The following UBA6 variants were observed in gnomAD, a reference collection of about 807,000 sequenced individuals.
The protein encoded by UBA6 is ubiquitin like modifier activating enzyme 6, also known as ubiquitin-like modifier-activating enzyme 6.
In UBA6, 87 loss-of-function variants were observed where a neutral mutation model predicts 148.3. That is an observed-to-expected ratio of 0.59 (90% confidence interval 0.49 to 0.70). The LOEUF is 0.70. Among genes scored for constraint, UBA6 ranks in the 30% least tolerant of loss-of-function variants. UBA6 has a pLI of 0.00. For missense variants in UBA6, 1,186 were observed against 1,241.2 expected (o/e 0.96, Z 0.67); for synonymous variants, 376 against 401.0 (o/e 0.94, Z 0.75).
intron 16 of UBA6, among the ~76,000 whole-genome samples, chr4:67,645,416 T>C (rs1418602708): frequency 6.6e-6 from 1 of 152,046 alleles, no homozygotes; most frequent in Non-Finnish European, 1.5e-5. Context: ...CTAGCCAATA[T>C]GGTGAAACTC....
rs552205332 is a variant in UBA6 at position 67,616,319 on chromosome 4, T to TC, written c.*2677dup. 40 of 380,526 alleles carry TC rather than the reference T, an allele frequency of 1.1e-4. 1 individual carries two copies. In the East Asian group the frequency reaches 1.2e-3, roughly 12 times the overall value. The allele number at this position is 380,526 out of a possible 1,614,324, so 23.6% of individuals were successfully genotyped here. A position where few individuals can be genotyped will look rare whatever the true frequency, so the allele number is the denominator to read the frequency against. The stretch of plus-strand genomic sequence containing the variant: ...GATTTAGGTCACGAGATTTTTTTTT[T>TC]CCCTAAAAATTTCAAAAGAACAATT... On this transcript the variant is annotated 3_prime_UTR_variant, in exon 33 of 33. Coordinates refer to ENST00000322244, the MANE Select transcript of UBA6 (RefSeq NM_018227.6).
At position 67,616,738 on chromosome 4, in the gene UBA6, C is replaced by T. The variant is rs2109888435; in HGVS notation, c.*2259G>A. 6.6e-6 allele frequency: 1 copy of T among 152,232 alleles called. No homozygotes were observed. The highest frequency in any genetic ancestry group is 3.4e-3 in the Middle Eastern group (1 of 294). The allele number at this position is 152,232 out of a possible 1,614,324, so 9.4% of individuals were successfully genotyped here. A position where few individuals can be genotyped will look rare whatever the true frequency, so the allele number is the denominator to read the frequency against. ...ATCAGGAAACACCAAAGCAACATTA[C>T]TCACAAAATAAACAGCAAAATCAGA... On this transcript the variant is annotated 3_prime_UTR_variant, in exon 33 of 33. Transcript: ENST00000322244.
intron 3 of UBA6, among the ~76,000 whole-genome samples, 192 bp from the exon 4 acceptor site, chr4:67,681,783 A>G (rs1274157277): frequency 6.6e-6 from 1 of 152,212 alleles, no homozygotes; most frequent in Non-Finnish European, 1.5e-5. Context: ...CATAATCACA[A>G]CACCCAGAGA....
At position 67,618,011 on chromosome 4, in the gene UBA6, A is replaced by G. The variant is rs942834753; in HGVS notation, c.*986T>C. ...ATTAACTCCCTTTCTGGGAATGGGA[A>G]TGAAATAACATGCTTCTGTTTAAAA... On this transcript the variant is annotated 3_prime_UTR_variant, in exon 33 of 33. Coordinates refer to ENST00000322244, the MANE Select transcript of UBA6 (RefSeq NM_018227.6). 6.7e-6 allele frequency: 1 copy of G among 149,076 alleles called. No individual in the cohort carries two copies. The highest frequency in any genetic ancestry group is 1.5e-5 in the Non-Finnish European group (1 of 67,024). The allele number at this position is 149,076 out of a possible 1,614,324, so 9.2% of individuals were successfully genotyped here. A position where few individuals can be genotyped will look rare whatever the true frequency, so the allele number is the denominator to read the frequency against.
chr4:67,626,330 C>G (rs531690086), intron 28 of UBA6, 30 bp downstream of exon 28: 4 of 1,453,516 alleles, frequency 2.8e-6, no homozygotes, highest in Non-Finnish European at 3.9e-6. Context: ...TCATCCAGTT[C>G]AAAACATTTT....
In UBA6 at chr4:67,626,424, A is replaced by G; in HGVS notation, c.2454T>C (p.Ser818=). 6.2e-7 allele frequency: 1 copy of G among 1,611,550 alleles called. No homozygotes were observed. The highest frequency in any genetic ancestry group is 2.2e-5 in the East Asian group (1 of 44,692). Residue 818 remains serine, a synonymous_variant, in exon 28 of 33, where the codon AGT becomes AGC. Transcript: ENST00000322244. ...ARKPDHVPIS[S]EDERNAIFQL... ...GGAAAATTGCATTCCTCTCATCTTC[A>G]CTGCTAATAGGAACATGGTCTGGTT...
At chr4:67,689,451 A>T (rs1730645539) in intron 2 of UBA6, among the ~76,000 whole-genome samples, 1 of 152,090 alleles carries the variant, frequency 6.6e-6, no homozygotes. Flanking sequence ...ATGAATTTAC[A>T]TGTATCTGGG....
At chr4:67,639,294 C>G (rs1729246479) in intron 18 of UBA6, among the ~76,000 whole-genome samples, 170 bp from the exon 19 acceptor site, 1 of 152,084 alleles carries the variant, frequency 6.6e-6, no homozygotes, top group Non-Finnish European at 1.5e-5. Flanking sequence ...ATTACATTCA[C>G]TGTAATCACA....
At position 67,615,445 on chromosome 4, in the gene UBA6, T is replaced by C. The variant is rs1450406796; in HGVS notation, c.*3552A>G. The C allele has an allele frequency of 6.6e-6, 1 of 152,186 alleles. No homozygotes were observed. The highest frequency in any genetic ancestry group is 1.5e-5 in the Non-Finnish European group (1 of 68,012). 9.4% of individuals were successfully genotyped at this position (152,186 alleles called of 1,614,324 possible). On this transcript the variant is annotated 3_prime_UTR_variant, in exon 33 of 33. Coordinates refer to ENST00000322244, the MANE Select transcript of UBA6 (RefSeq NM_018227.6). The stretch of plus-strand genomic sequence containing the variant: ...TTACCGAGTCTTGGATATTCCTTTA[T>C]AGCAACACAAAACCAACCAACATAC...
chr4:67,644,905 G>A (rs1729388170), intron 16 of UBA6, 127 bp from the exon 17 acceptor site: 41 of 516,476 alleles, frequency 7.9e-5, no homozygotes, highest in South Asian at 3.3e-4. Context: ...AACCAAATAA[G>A]GAAAAGCATA....
chr4:67,633,454 CTG>C lies in UBA6; in HGVS notation c.2031_2032del (p.His677GlnfsTer13). ...TATAACTTGAAAACAGCCTTCTAAA[CTG>C]TGTCCACTCTGTATCTTCTAGAATG... On this transcript the variant is annotated frameshift_variant, in exon 23 of 33. Transcript: ENST00000322244. LOFTEE classifies it high-confidence loss of function. 2 of 1,606,566 alleles carry C rather than the reference CTG, an allele frequency of 1.2e-6. No homozygotes were observed. The highest frequency in any genetic ancestry group is 1.7e-6 in the Non-Finnish European group (2 of 1,178,192).
At chr4:67,652,037 G>A (rs984079828) in intron 13 of UBA6, among the ~76,000 whole-genome samples, 1 of 152,062 alleles carries the variant, frequency 6.6e-6, no homozygotes, top group African/African-American at 2.4e-5. Context: ...ATGCAAAAAT[G>A]AACTTATAAA....
In UBA6 at chr4:67,671,883, T is replaced by G. The variant is rs144682168; in HGVS notation, c.547-1291A>C. ...CTTCCCAATGTCACTGTGCACCTAA[T>G]TATGCTGGAGGTTTAAAAATCTATG... On this transcript the variant is annotated intron_variant, in intron 7 of 32. Transcript: ENST00000322244. 3.7e-3 allele frequency among the ~76,000 whole-genome samples: 567 copies of G among 152,324 alleles called. 3 individuals are homozygous for G. Among genetic ancestry groups the G allele is most frequent in the African/African-American group, 0.013 (546 of 41,582 alleles).
At chr4:67,686,647 G>C (rs370783367) in intron 2 of UBA6, among the ~76,000 whole-genome samples, 6 of 151,974 alleles carry the variant, frequency 3.9e-5, no homozygotes, top group African/African-American at 1.2e-4. Context: ...TTATAAACGG[G>C]CATAAATAAA....
chr4:67,663,264 T>C, intron 11 of UBA6, 49 bp from the exon 12 acceptor site: 2 of 1,242,666 alleles, frequency 1.6e-6, no homozygotes, highest in African/African-American at 1.5e-5. Context: ...TGGTTGTATG[T>C]CCCAGGCACT....
intron 13 of UBA6, among the ~76,000 whole-genome samples, chr4:67,657,079 T>C (rs1040880178): frequency 6.6e-6 from 1 of 152,100 alleles, no homozygotes; most frequent in Non-Finnish European, 1.5e-5. Context: ...ATAGGAAGAA[T>C]CAATATCATT....
At chr4:67,690,751 C>A (rs1247662502) in intron 2 of UBA6, among the ~76,000 whole-genome samples, 2 of 151,886 alleles carry the variant, frequency 1.3e-5, no homozygotes, top group Non-Finnish European at 2.9e-5. Flanking sequence ...TCACCTCACA[C>A]CTGTATGGAT....
At chr4:67,654,036 G>A (rs766418583) in intron 13 of UBA6, among the ~76,000 whole-genome samples, 18 of 152,190 alleles carry the variant, frequency 1.2e-4, no homozygotes, top group Admixed American at 9.2e-4. Flanking sequence ...ATGGGACTAT[G>A]TGAAAAGACC....
At chr4:67,665,145 T>C in intron 10 of UBA6, 44 bp downstream of exon 10, 2 of 1,267,054 alleles carry the variant, frequency 1.6e-6, no homozygotes, top group Non-Finnish European at 2.2e-6. Flanking sequence ...TGCCTTTCTT[T>C]TTCTGTAAAA....
Sources: gnomAD v4.1 joint callset for allele counts (sites outside exome capture counted in the v4.1 genomes callset) on GRCh38, gnomAD v4.1.1 for gene constraint, MANE v1.5 for transcripts, NCBI Gene and HGNC (gene_info 2026-07-23, HGNC 2026-07-21) for gene names.